NUDT5: variants seen among roughly 807,000 people sequenced by gnomAD.
The protein encoded by NUDT5 is ADP-sugar pyrophosphatase.
A neutral mutation model predicts 34.1 loss-of-function variants in NUDT5; 21 were observed. The observed-to-expected ratio is 0.62, with a 90% CI of 0.44 to 0.89. The LOEUF (loss-of-function observed/expected upper bound fraction) is 0.89, where lower values mean the gene tolerates loss of function less well. NUDT5 is among the 40% of genes least tolerant of loss of function. The pLI is 0.00. For synonymous variants in NUDT5, 85 were observed against 97.6 expected (o/e 0.87, Z 0.76); for missense variants, 249 against 274.8 (o/e 0.91, Z 0.66).
intron 1 of NUDT5, among the ~76,000 whole-genome samples, chr10:12,193,295 G>A (rs376087787): frequency 6.6e-5 from 10 of 152,254 alleles, no homozygotes; most frequent in African/African-American, 1.7e-4. Context: ...ATCTGTACAC[G>A]CTTGTTTGAG....
Position 12,166,461 on chromosome 10 carries a change from A to AC in NUDT5, c.*1240_*1241insG, listed in dbSNP as rs1204615319. ...ATCTGTAAAGTTCTGTATTTCCATA[A>AC]TTGTTTTATCTTTAGGAAGTCCAGT... On this transcript the variant is annotated 3_prime_UTR_variant, in exon 10 of 10. Coordinates refer to ENST00000491614, the MANE Select transcript of NUDT5 (RefSeq NM_014142.4). 1 of 236,764 alleles carries AC rather than the reference A, an allele frequency of 4.2e-6. No homozygotes were observed. The highest frequency in any genetic ancestry group is 8.7e-6 in the Non-Finnish European group (1 of 115,566). The allele number at this position is 236,764 out of a possible 1,614,324, so 14.7% of individuals were successfully genotyped here.
intron 3 of NUDT5, chr10:12,184,418 T>C (rs1223189167): frequency 9.9e-6 from 13 of 1,316,598 alleles, no homozygotes; most frequent in Non-Finnish European, 1.4e-5. Flanking sequence ...TCTTTAGGGC[T>C]ACTGACACAT....
chr10:12,192,814 G>A (rs1302906822), intron 1 of NUDT5, among the ~76,000 whole-genome samples: 1 of 151,950 alleles, frequency 6.6e-6, no homozygotes, highest in East Asian at 1.9e-4. Flanking sequence ...TTGCACCACT[G>A]CATTCCAGCC....
rs1182145278 is a variant in NUDT5, at chr10:12,165,556, A to T, written c.*2146T>A. 2 of 168,734 alleles carry T rather than the reference A, an allele frequency of 1.2e-5. No individual in the cohort carries two copies. The highest frequency in any genetic ancestry group is 1.3e-4 in the Admixed American group (2 of 15,310). 10.5% of individuals were successfully genotyped at this position (168,734 alleles called of 1,614,324 possible). A position where few individuals can be genotyped will look rare whatever the true frequency, so the allele number is the denominator to read the frequency against. The stretch of plus-strand genomic sequence containing the variant: ...TAGTGACCAACTTAAGGGTAATCAT[A>T]TATGTGACTAACATTTGGGAGGAAA... On this transcript the variant is annotated 3_prime_UTR_variant, in exon 10 of 10. Coordinates refer to ENST00000491614, the MANE Select transcript of NUDT5 (RefSeq NM_014142.4).
At chr10:12,174,661 A>T (rs745900170) in intron 5 of NUDT5, among the ~76,000 whole-genome samples, 3 of 152,220 alleles carry the variant, frequency 2.0e-5, no homozygotes, top group Non-Finnish European at 2.9e-5. Context: ...CAGTCGTCCT[A>T]TTCAGACCCA....
chr10:12,173,833 G>A lies in NUDT5; in HGVS notation c.290-20C>T. Reference sequence around the variant, plus strand: ...TGAGACCTGCAAGTCCAAATCATTGGTGTGATGGGAGCGGGAAATCCGGTT... The same window carrying A: ...TGAGACCTGCAAGTCCAAATCATTGATGTGATGGGAGCGGGAAATCCGGTT... On this transcript the variant is annotated intron_variant, in intron 5 of 9. Transcript: ENST00000491614. The surrounding 1 kb of genome is among the most constrained non-coding windows in gnomAD (Gnocchi z 4.7). 4 of 1,569,554 alleles carry A rather than the reference G, an allele frequency of 2.5e-6. No individual in the cohort carries two copies. Among genetic ancestry groups the A allele is most frequent in the Non-Finnish European group, 3.5e-6 (4 of 1,140,458 alleles).
chr10:12,166,849 G>C lies in NUDT5; in HGVS notation c.*853C>G. 2.3e-6 allele frequency: 1 copy of C among 439,296 alleles called. No individual in the cohort carries two copies. 27.2% of individuals were successfully genotyped at this position (439,296 alleles called of 1,614,324 possible). A position where few individuals can be genotyped will look rare whatever the true frequency, so the allele number is the denominator to read the frequency against. On this transcript the variant is annotated 3_prime_UTR_variant, in exon 10 of 10. Coordinates refer to ENST00000491614, the MANE Select transcript of NUDT5 (RefSeq NM_014142.4). ...GACAGGGTTTCAGGCATGGGAACCA[G>C]ATCAATCTGTACTTCTTGCTGTGAA...
chr10:12,177,468 G>C (rs534359618), intron 5 of NUDT5, among the ~76,000 whole-genome samples: 14 of 152,120 alleles, frequency 9.2e-5, no homozygotes, highest in Admixed American at 4.6e-4. Flanking sequence ...GCAGTGAGCC[G>C]AGATCGTGCC....
intron 1 of NUDT5, among the ~76,000 whole-genome samples, chr10:12,194,026 G>A (rs922302230): frequency 3.9e-5 from 6 of 152,162 alleles, no homozygotes; most frequent in South Asian, 2.1e-4. Context: ...ACAGGCATGC[G>A]CCAACACGCC....
At chr10:12,185,274 G>C (rs1835106964) in intron 2 of NUDT5, among the ~76,000 whole-genome samples, 1 of 152,258 alleles carries the variant, frequency 6.6e-6, no homozygotes, top group South Asian at 2.1e-4. Flanking sequence ...CACATGGGGT[G>C]AGGGTGTCCT....
intron 3 of NUDT5, among the ~76,000 whole-genome samples, chr10:12,183,572 A>T (rs1835078541): frequency 6.6e-6 from 1 of 152,224 alleles, no homozygotes. Flanking sequence ...ATGAATTTTT[A>T]TCACGTGATC....
rs1298861056 is a variant in NUDT5 at position 12,175,050 on chromosome 10, C to T, written c.290-1237G>A. Among the ~76,000 whole-genome samples, 3 of 152,078 alleles carry T rather than the reference C, an allele frequency of 2.0e-5. No homozygotes were observed. Among genetic ancestry groups the T allele is most frequent in the African/African-American group, 4.8e-5 (2 of 41,414 alleles). ...AAAAATATAATAAGGCTGGGCGTGG[C>T]GGCCCACACCTGTAACCCCAGCACT... On this transcript the variant is annotated intron_variant, in intron 5 of 9. Coordinates refer to ENST00000491614, the MANE Select transcript of NUDT5 (RefSeq NM_014142.4). The surrounding 1 kb of genome is among the most constrained non-coding windows in gnomAD (Gnocchi z 4.8).
rs371646165 is a variant in NUDT5 at position 12,177,928 on chromosome 10, A to T, written c.182-28T>A. The T allele has an allele frequency of 3.8e-6, 6 of 1,563,810 alleles. 1 individual carries two copies. In the South Asian group the frequency reaches 6.7e-5, roughly 17 times the overall value. ...GTCACCAGGAAATGGAACCAAGGAAATCCCTAATGAGAGGTCAGCAATGCC... is the reference window on the plus strand; with the variant it reads ...GTCACCAGGAAATGGAACCAAGGAATTCCCTAATGAGAGGTCAGCAATGCC... On this transcript the variant is annotated intron_variant, in intron 4 of 9. Transcript: ENST00000491614.
At chr10:12,178,484 CAGCAG>C in intron 4 of NUDT5, among the ~76,000 whole-genome samples, 1 of 152,254 alleles carries the variant, frequency 6.6e-6, no homozygotes, top group South Asian at 2.1e-4. Flanking sequence ...TCTGTGAAGC[CAGCAG>C]CAGCAGCATA....
In NUDT5 at chr10:12,168,699, T is replaced by C. The variant is rs1487335378; in HGVS notation, c.551-888A>G. On this transcript the variant is annotated intron_variant, in intron 9 of 9. Coordinates refer to ENST00000491614, the MANE Select transcript of NUDT5 (RefSeq NM_014142.4). The surrounding 1 kb of genome is among the most constrained non-coding windows in gnomAD (Gnocchi z 4.8). The stretch of plus-strand genomic sequence containing the variant: ...AGGCAGGAAGCATGTCCTACTCACC[T>C]GGGCACAGCAGGTGCTTGGTAACTG... 1.3e-5 allele frequency among the ~76,000 whole-genome samples: 2 copies of C among 152,206 alleles called. No individual in the cohort carries two copies. Among genetic ancestry groups the C allele is most frequent in the Admixed American group, 6.5e-5 (1 of 15,286 alleles).
chr10:12,190,096 T>C (rs1835197256), intron 1 of NUDT5, among the ~76,000 whole-genome samples: 1 of 152,106 alleles, frequency 6.6e-6, no homozygotes. Context: ...GGTTTCACCG[T>C]GTTAGGATGG....
At position 12,169,299 on chromosome 10, in the gene NUDT5, A is replaced by T. The variant is rs1163255649; in HGVS notation, c.550+1418T>A. ...AGAAGGTGGAAGGGAGAAGGAAGAC[A>T]TTTTACAAAAAGGATACTCTTCTAC... On this transcript the variant is annotated intron_variant, in intron 9 of 9. Coordinates refer to ENST00000491614, the MANE Select transcript of NUDT5 (RefSeq NM_014142.4). The surrounding 1 kb of genome is among the most constrained non-coding windows in gnomAD (Gnocchi z 4.8). 1.9e-6 allele frequency: 3 copies of T among 1,555,664 alleles called. No individual in the cohort carries two copies. The East Asian group carries it at 7.1e-5, about 37-fold the overall frequency.
intron 4 of NUDT5, among the ~76,000 whole-genome samples, chr10:12,178,579 G>C (rs918745912): frequency 1.3e-5 from 2 of 152,048 alleles, no homozygotes; most frequent in Admixed American, 1.3e-4. Flanking sequence ...ACTTCCCCTC[G>C]ACCAGAGTGA....
chr10:12,195,709 CCTT>C (rs796841828), intron 1 of NUDT5, 58 bp downstream of exon 1: 5 of 159,756 alleles, frequency 3.1e-5, no homozygotes, highest in Admixed American at 1.8e-4. Context: ...GTCCCTTTCC[CCTT>C]CTTCTTCTCC....
Sources: allele counts gnomAD v4.1 joint callset (sites outside exome capture counted in the v4.1 genomes callset), GRCh38; gene constraint gnomAD v4.1.1; non-coding constraint Gnocchi (gnomAD v3.1); transcripts MANE v1.5; gene names NCBI Gene and HGNC (gene_info 2026-07-23, HGNC 2026-07-21).